Variants in MYO7A observed in about 807,000 individuals in gnomAD.
MYO7A encodes the protein unconventional myosin-VIIa.
Under a neutral mutation model 263.8 loss-of-function variants are expected in MYO7A, and 210 were observed. The ratio of observed to expected loss-of-function variants is 0.80; its 90% CI spans 0.71 to 0.89. MYO7A has a LOEUF of 0.89. MYO7A is among the 40% of genes least tolerant of loss of function. MYO7A has a pLI of 0.00. For synonymous variants in MYO7A, 1,239 were observed against 1,197.3 expected (o/e 1.03, Z -0.72); for missense variants, 2,820 against 2,968.3 (o/e 0.95, Z 1.16).
At chr11:77,163,601 C>T (rs1043580323) in intron 14 of MYO7A, among the ~76,000 whole-genome samples, 3 of 152,110 alleles carry the variant, frequency 2.0e-5, no homozygotes, top group South Asian at 2.1e-4. Context: ...AGTAAAAATA[C>T]GTCATTACCA....
intron 23 of MYO7A, 64 bp from the exon 24 acceptor site, chr11:77,181,887 C>A (rs937770615): frequency 6.7e-7 from 1 of 1,492,074 alleles, no homozygotes; most frequent in Non-Finnish European, 9.2e-7. Context: ...TGGGCTCAGG[C>A]GATCCTCCCA....
At chr11:77,180,003 G>A (rs1482919943) in intron 21 of MYO7A, 50 bp downstream of exon 21, 20 of 1,479,124 alleles carry the variant, frequency 1.4e-5, no homozygotes, top group Non-Finnish European at 1.7e-5. Flanking sequence ...TGGGCGAGGA[G>A]TGTCCATGCA....
intron 46 of MYO7A, chr11:77,212,249 C>T (rs769309250): frequency 3.5e-5 from 18 of 508,604 alleles, no homozygotes; most frequent in Admixed American, 9.2e-5. Context: ...GAGGCTCTGC[C>T]GGGTGTGAGA....
At chr11:77,210,245 G>C (rs1010754921) in intron 44 of MYO7A, among the ~76,000 whole-genome samples, 28 of 152,220 alleles carry the variant, frequency 1.8e-4, no homozygotes, top group African/African-American at 6.8e-4. Context: ...GTTGCTTAAA[G>C]GGCCTGGCTC....
rs367738288 is a variant in MYO7A at position 77,212,960 on chromosome 11, G to A, written c.6363G>A (p.Thr2121=). Residue 2121 remains threonine, a synonymous_variant, in exon 47 of 49, where the codon ACG becomes ACA. Transcript: ENST00000409709. Reference sequence around the variant, plus strand: ...CTCATCTTTTTTTCTAGCAAACTACGGAGCCAAACTTCCCTGAGATCCTCC... The same window carrying A: ...CTCATCTTTTTTTCTAGCAAACTACAGAGCCAAACTTCCCTGAGATCCTCC... ...GSAFFEVKQT[T]EPNFPEILLI... 2.9e-4 allele frequency: 469 copies of A among 1,593,510 alleles called. 1 individual carries two copies. The highest frequency in any genetic ancestry group is 3.5e-4 in the Non-Finnish European group (407 of 1,169,496).
At chr11:77,173,692 G>A (rs1219315246) in intron 16 of MYO7A, among the ~76,000 whole-genome samples, 1 of 152,122 alleles carries the variant, frequency 6.6e-6, no homozygotes, top group Non-Finnish European at 1.5e-5. Context: ...AGGAAGGCCG[G>A]GGAAAGTGGC....
intron 3 of MYO7A, 69 bp from the exon 4 acceptor site, chr11:77,147,729 C>G: frequency 1.9e-6 from 3 of 1,575,544 alleles, no homozygotes; most frequent in Non-Finnish European, 2.6e-6. Context: ...CCCGCCCGTC[C>G]CGGCCCCTTC....
At chr11:77,152,838 A>C (rs1254780482) in intron 4 of MYO7A, among the ~76,000 whole-genome samples, 2 of 152,020 alleles carry the variant, frequency 1.3e-5, no homozygotes, top group Admixed American at 6.6e-5. Context: ...CTCCGCTTGA[A>C]ACTGAAGGAT....
chr11:77,147,655 A>G, intron 3 of MYO7A, 143 bp from the exon 4 acceptor site: 1 of 1,039,288 alleles, frequency 9.6e-7, no homozygotes, highest in Non-Finnish European at 1.4e-6. Flanking sequence ...CCCTGTTAGA[A>G]CTGACAGTGT....
chr11:77,191,693 A>AG (rs1356105826), intron 30 of MYO7A, among the ~76,000 whole-genome samples: 2 of 152,168 alleles, frequency 1.3e-5, no homozygotes, highest in Middle Eastern at 3.2e-3. Context: ...TGCTCAGCAG[A>AG]GGGGCCCCCG....
Position 77,197,542 on chromosome 11 carries a change from C to T in MYO7A, c.4385C>T (p.Ala1462Val), listed in dbSNP as rs868480782. The change falls in exon 33 of 49, where the codon GCC becomes GTC. Residue 1462 changes from alanine (A) to valine (V), a missense_variant. By Grantham distance (64) the Ala-to-Val change is moderately conservative (BLOSUM62 0). Coordinates refer to ENST00000409709, the MANE Select transcript of MYO7A (RefSeq NM_000260.4). Reference protein sequence around the residue: ...QKVKEDVVSYARFKWPLLFSR... With the variant: ...QKVKEDVVSYVRFKWPLLFSR... ...GTCAAAGAGGATGTGGTCAGTTATG[C>T]CCGCTTCAAGTGGCCCTTGCTCTTC... 6.2e-7 allele frequency: 1 copy of T among 1,607,874 alleles called. No homozygotes were observed. The highest frequency in any genetic ancestry group is 1.3e-5 in the African/African-American group (1 of 74,952).
At chr11:77,194,674 A>G in intron 32 of MYO7A, 150 bp downstream of exon 32, 1 of 856,258 alleles carries the variant, frequency 1.2e-6, no homozygotes, top group Non-Finnish European at 1.7e-6. Context: ...CAGCTCACTC[A>G]TTCTCCTTCC....
At chr11:77,181,790 T>G (rs537729840) in intron 23 of MYO7A, among the ~76,000 whole-genome samples, 161 bp from the exon 24 acceptor site, 173 of 146,918 alleles carry the variant, frequency 1.2e-3, no homozygotes, top group East Asian at 3.2e-3. Flanking sequence ...TTTTTTTTTT[T>G]TTTTTTTTTT....
At chr11:77,195,479 C>G (rs1185641397) in intron 32 of MYO7A, among the ~76,000 whole-genome samples, 3 of 152,264 alleles carry the variant, frequency 2.0e-5, no homozygotes, top group African/African-American at 4.8e-5. Flanking sequence ...CCTCCACCCC[C>G]ACCTCCCTGA....
At chr11:77,148,042 G>A (rs1951708842) in intron 4 of MYO7A, 92 bp downstream of exon 4, 5 of 1,126,586 alleles carry the variant, frequency 4.4e-6, no homozygotes, top group Middle Eastern at 6.1e-4. Flanking sequence ...CTCCGGCCCC[G>A]CCCTGCCGGG....
chr11:77,212,102 T>G, intron 46 of MYO7A, 165 bp downstream of exon 46: 1 of 709,988 alleles, frequency 1.4e-6, no homozygotes, highest in Non-Finnish European at 2.5e-6. Context: ...GCGTCTTAGC[T>G]GGGGTAAGTC....
intron 14 of MYO7A, among the ~76,000 whole-genome samples, chr11:77,164,464 G>A (rs1425379460): frequency 4.6e-5 from 7 of 152,096 alleles, no homozygotes; most frequent in African/African-American, 1.2e-4. Flanking sequence ...TAACCCATCC[G>A]TTTCTTACTC....
intron 44 of MYO7A, among the ~76,000 whole-genome samples, chr11:77,210,402 G>C (rs12793830): frequency 0.53 from 80,562 of 151,874 alleles, 21,550 homozygotes; most frequent in Middle Eastern, 0.62. Context: ...GTAGGTGAGT[G>C]GGTGGATGGG....
At position 77,156,580 on chromosome 11, in the gene MYO7A, T is replaced by C. The variant is rs1180734723; in HGVS notation, c.471-80T>C. 2.5e-6 allele frequency: 4 copies of C among 1,580,302 alleles called. No individual in the cohort carries two copies. The African/African-American group carries it at 4.0e-5, about 16-fold the overall frequency. On this transcript the variant is annotated intron_variant, in intron 5 of 48. Transcript: ENST00000409709. ...TATTACAGATGGGGGAGCTGGTGGA[T>C]GGTGCAGCCTGGGCTGAGTTCCAGT...
Sources: gnomAD v4.1 joint callset for allele counts (sites outside exome capture counted in the v4.1 genomes callset) on GRCh38, gnomAD v4.1.1 for gene constraint, MANE v1.5 for transcripts, NCBI Gene and HGNC (gene_info 2026-07-23, HGNC 2026-07-21) for gene names.